The following LYPLAL1 variants were observed in gnomAD, a reference collection of about 807,000 sequenced individuals.
The protein encoded by LYPLAL1 is lysophospholipase like 1, also known as lysophospholipase-like protein 1.
A neutral mutation model predicts 19.7 loss-of-function variants in LYPLAL1; 23 were observed. The observed-to-expected ratio is 1.17, with a 90% CI of 0.84 to 1.65. The LOEUF is 1.65. LYPLAL1 is among the 40% of genes most tolerant of loss of function. The pLI is 0.00. For synonymous variants in LYPLAL1, 119 were observed against 96.3 expected, an observed-to-expected ratio of 1.24 and a Z score of -1.38; for missense variants, 355 against 279.4, an observed-to-expected ratio of 1.27 and a Z score of -1.93.
chr1:219,210,476 C>A, intron 3 of LYPLAL1, 56 bp from the exon 4 acceptor site: 1 of 1,142,254 alleles, frequency 8.8e-7, no homozygotes, highest in Non-Finnish European at 1.3e-6. Flanking sequence ...TGTTATATAT[C>A]ATATCCTAAA....
the LYPLAL1 span, among the ~76,000 whole-genome samples, chr1:219,229,933 T>G: frequency 3.3e-5 from 5 of 152,228 alleles, no homozygotes; most frequent in Non-Finnish European, 7.3e-5. Context: ...AAATATTTTC[T>G]GTCATTTAAA....
At chr1:219,324,604 A>C in the LYPLAL1 span, among the ~76,000 whole-genome samples, 70 of 152,300 alleles carry the variant, frequency 4.6e-4, no homozygotes, top group South Asian at 0.013. Context: ...TAGTGTTAGG[A>C]TTAAGGAAGG....
the LYPLAL1 span, among the ~76,000 whole-genome samples, chr1:219,304,133 C>G: frequency 1.3e-5 from 2 of 152,112 alleles, no homozygotes; most frequent in African/African-American, 4.8e-5. Context: ...TCCTTTATAC[C>G]TCCCATATGA....
the LYPLAL1 span, among the ~76,000 whole-genome samples, chr1:219,262,038 A>G: frequency 6.6e-6 from 1 of 151,946 alleles, no homozygotes; most frequent in Non-Finnish European, 1.5e-5. Context: ...GACTTTGTTT[A>G]TATTTTTTTG....
chr1:219,404,244 T>C, the LYPLAL1 span, among the ~76,000 whole-genome samples: 1 of 152,154 alleles, frequency 6.6e-6, no homozygotes, highest in Non-Finnish European at 1.5e-5. Flanking sequence ...GCCATCACAT[T>C]AAGGGGTTGG....
the LYPLAL1 span, among the ~76,000 whole-genome samples, chr1:219,372,784 A>G: frequency 6.6e-6 from 1 of 151,958 alleles, no homozygotes; most frequent in Non-Finnish European, 1.5e-5. Flanking sequence ...TGCCCCTATA[A>G]TCCCAGCTAC....
At chr1:219,196,361 C>A (rs544264060) in intron 3 of LYPLAL1, among the ~76,000 whole-genome samples, 1 of 152,196 alleles carries the variant, frequency 6.6e-6, no homozygotes, top group South Asian at 2.1e-4. Context: ...TTCAAAAATT[C>A]TTGAATTTTT....
the LYPLAL1 span, among the ~76,000 whole-genome samples, chr1:219,404,241 C>T: frequency 1.3e-5 from 2 of 152,156 alleles, no homozygotes; most frequent in African/African-American, 2.4e-5. Flanking sequence ...AATGCCATCA[C>T]ATTAAGGGGT....
chr1:219,283,649 C>T, the LYPLAL1 span, among the ~76,000 whole-genome samples: 1 of 152,106 alleles, frequency 6.6e-6, no homozygotes, highest in Non-Finnish European at 1.5e-5. Flanking sequence ...TGACAATTGC[C>T]TGTACAGCCT....
chr1:219,367,050 G>A, the LYPLAL1 span, among the ~76,000 whole-genome samples: 2 of 151,748 alleles, frequency 1.3e-5, no homozygotes, highest in East Asian at 3.9e-4. Flanking sequence ...CTTGCCCCAG[G>A]ACTACTTGCC....
At chr1:219,180,362 G>A (rs1656174207) in intron 2 of LYPLAL1, among the ~76,000 whole-genome samples, 1 of 152,092 alleles carries the variant, frequency 6.6e-6, no homozygotes, top group South Asian at 2.1e-4. Flanking sequence ...GTATTAAGGA[G>A]AAATAAAACC....
the LYPLAL1 span, among the ~76,000 whole-genome samples, chr1:219,316,310 T>G: frequency 3.3e-5 from 5 of 152,328 alleles, no homozygotes; most frequent in East Asian, 9.6e-4. Flanking sequence ...TTTGTCATAG[T>G]GTATAATACT....
chr1:219,221,752 G>T, the LYPLAL1 span, among the ~76,000 whole-genome samples: 1 of 152,150 alleles, frequency 6.6e-6, no homozygotes, highest in South Asian at 2.1e-4. Flanking sequence ...GAAGATGTGG[G>T]ACTGCAGAAG....
At chr1:219,193,632 C>A in intron 3 of LYPLAL1, 1 of 154,460 alleles carries the variant, frequency 6.5e-6, no homozygotes, top group South Asian at 2.0e-4. Flanking sequence ...TATACCACTA[C>A]ATTTATGAAA....
chr1:219,314,515 G>T, the LYPLAL1 span, among the ~76,000 whole-genome samples: 3 of 152,056 alleles, frequency 2.0e-5, no homozygotes, highest in East Asian at 5.8e-4. Context: ...CGCAATCTCG[G>T]CTAGCTGCAA....
chr1:219,216,238 A>G (rs559650705), downstream of LYPLAL1, among the ~76,000 whole-genome samples: 4 of 152,012 alleles, frequency 2.6e-5, no homozygotes, highest in East Asian at 1.9e-4. Context: ...TTGAGTTTGT[A>G]TATATTTTTA....
At chr1:219,334,437 T>G in the LYPLAL1 span, among the ~76,000 whole-genome samples, 1 of 151,958 alleles carries the variant, frequency 6.6e-6, no homozygotes, top group African/African-American at 2.4e-5. Flanking sequence ...TTCTTCTATA[T>G]CTAGAATACA....
downstream of LYPLAL1, among the ~76,000 whole-genome samples, chr1:219,213,365 GTTTATTT>G (rs1164601974): frequency 6.8e-6 from 1 of 147,350 alleles, no homozygotes; most frequent in Non-Finnish European, 1.5e-5. Context: ...AGTCCTCTCA[GTTTATTT>G]TTTTTTCAAG....
At chr1:219,403,825 C>T in the LYPLAL1 span, among the ~76,000 whole-genome samples, 1 of 152,198 alleles carries the variant, frequency 6.6e-6, no homozygotes, top group Admixed American at 6.5e-5. Flanking sequence ...ATATATACAA[C>T]CTTTCTGCCA....
Sources: gnomAD v4.1 joint callset for allele counts (sites outside exome capture counted in the v4.1 genomes callset) on GRCh38, gnomAD v4.1.1 for gene constraint, MANE v1.5 for transcripts, NCBI Gene and HGNC (gene_info 2026-07-23, HGNC 2026-07-21) for gene names.